ABCA1: variants seen among roughly 807,000 people sequenced by gnomAD.
ABCA1 encodes the protein phospholipid-transporting ATPase ABCA1.
ABCA1 carries 133 observed loss-of-function variants against 262.5 expected under a neutral mutation model. The ratio of observed to expected loss-of-function variants is 0.51; its 90% CI spans 0.44 to 0.59. The LOEUF (loss-of-function observed/expected upper bound fraction) is 0.59, where lower values mean the gene tolerates loss of function less well. Among genes scored for constraint, ABCA1 ranks in the 20% least tolerant of loss-of-function variants. The pLI, the probability that ABCA1 is intolerant of heterozygous loss-of-function variation, is 0.00. For missense variants in ABCA1, 2,452 were observed against 2,777.5 expected (o/e 0.88, Z 2.63); for synonymous variants, 1,022 against 1,043.5 (o/e 0.98, Z 0.40).
chr9:104,863,058 G>C (rs1036589944), intron 5 of ABCA1, among the ~76,000 whole-genome samples: 1 of 151,968 alleles, frequency 6.6e-6, no homozygotes. Flanking sequence ...TAGGCCCTCT[G>C]AGTACAGTTA....
chr9:104,793,430 C>A (rs4149327), intron 40 of ABCA1, 130 bp from the exon 41 acceptor site: 217 of 1,307,602 alleles, frequency 1.7e-4, no homozygotes, highest in Non-Finnish European at 2.1e-4. Context: ...TCACCCATGA[C>A]AAGGAAAAAA....
chr9:104,808,538 T>G (rs369376278), intron 30 of ABCA1, among the ~76,000 whole-genome samples: 1 of 152,246 alleles, frequency 6.6e-6, no homozygotes, highest in Non-Finnish European at 1.5e-5. Flanking sequence ...CCACCCATTA[T>G]GTACTAAGTA....
intron 17 of ABCA1, among the ~76,000 whole-genome samples, chr9:104,824,936 A>G (rs370743403): frequency 6.6e-6 from 1 of 152,246 alleles, no homozygotes; most frequent in East Asian, 1.9e-4. Context: ...TTCAGGCAGG[A>G]GTAATAAATA....
chr9:104,822,741 G>T, intron 18 of ABCA1, 74 bp from the exon 19 acceptor site: 1 of 1,561,516 alleles, frequency 6.4e-7, no homozygotes, highest in Non-Finnish European at 8.8e-7. Flanking sequence ...ACAGGGCACT[G>T]CGCTTGAACT....
Position 104,788,320 on chromosome 9 carries a change from A to G in ABCA1, c.6069+106T>C. 3.3e-6 allele frequency: 5 copies of G among 1,509,754 alleles called. No individual in the cohort carries two copies. In the South Asian group the frequency reaches 4.5e-5, roughly 14 times the overall value. The allele number at this position is 1,509,754 out of a possible 1,614,324, so 93.5% of individuals were successfully genotyped here. On this transcript the variant is annotated intron_variant, in intron 45 of 49. Coordinates refer to ENST00000374736, the MANE Select transcript of ABCA1 (RefSeq NM_005502.4). ...AAGAACCAGCATTTTGTGCTGCTGC[A>G]TTCATGAGGAAAAACAGCCTGAAGT... is the stretch of plus-strand genomic sequence containing the variant.
At chr9:104,836,714 C>T (rs1833846413) in intron 11 of ABCA1, among the ~76,000 whole-genome samples, 1 of 152,244 alleles carries the variant, frequency 6.6e-6, no homozygotes, top group Non-Finnish European at 1.5e-5. Context: ...CTCAACTCCA[C>T]TTCCAAACAC....
chr9:104,906,101 T>G (rs1841115561), intron 1 of ABCA1, among the ~76,000 whole-genome samples: 1 of 152,256 alleles, frequency 6.6e-6, no homozygotes. Flanking sequence ...TCTCCCCATT[T>G]ATCTTTCTTC....
chr9:104,875,660 T>TA (rs35543524), intron 5 of ABCA1, among the ~76,000 whole-genome samples: 22,507 of 148,356 alleles, frequency 0.15, 1,830 homozygotes, highest in Middle Eastern at 0.25. Flanking sequence ...TCCACAACCT[T>TA]AAAAAAAAAA....
At position 104,827,153 on chromosome 9, in the gene ABCA1, G is replaced by T; in HGVS notation, c.2132C>A (p.Pro711His). The T allele has an allele frequency of 1.2e-6, 2 of 1,614,148 alleles. No homozygotes were observed. Among genetic ancestry groups the T allele is most frequent in the Non-Finnish European group, 1.7e-6 (2 of 1,180,002 alleles). Residue 711 changes from proline (P) to histidine (H), a missense_variant, in exon 16 of 50, where the codon CCC (proline) becomes CAC (histidine). This residue lies in a region of ABCA1 where 1,032 missense variants were observed against 1,089.7 expected (regional missense o/e 0.95). Transcript: ENST00000374736. ...VVILKLGNLL[P>H]YSDPSVVFVF... ...AAACACCACGCTGGGATCACTGTAG[G>T]GCAGCAGGTTTCCTAACTGGGAAGG...
intron 7 of ABCA1, chr9:104,855,424 C>G: frequency 3.7e-6 from 1 of 268,446 alleles, no homozygotes; most frequent in East Asian, 9.2e-5. Context: ...TGGTCTTGAA[C>G]TCCTGGCCTC....
chr9:104,787,141 T>C (rs774595927), intron 46 of ABCA1, among the ~76,000 whole-genome samples, 165 bp from the exon 47 acceptor site: 19 of 152,230 alleles, frequency 1.2e-4, no homozygotes, highest in Non-Finnish European at 2.5e-4. Context: ...AATTCATTTG[T>C]AAACAAGGTC....
At chr9:104,916,671 G>A (rs1216854885) in intron 1 of ABCA1, among the ~76,000 whole-genome samples, 1 of 152,150 alleles carries the variant, frequency 6.6e-6, no homozygotes, top group Non-Finnish European at 1.5e-5. Flanking sequence ...TAATGGAACA[G>A]AAAACAAGTC....
intron 5 of ABCA1, among the ~76,000 whole-genome samples, chr9:104,866,479 T>C (rs1325555110): frequency 8.6e-5 from 13 of 151,712 alleles, no homozygotes; most frequent in Admixed American, 8.5e-4. Context: ...CAGCCCTTTT[T>C]TGTGACTTTT....
At chr9:104,916,169 T>C (rs1841826705) in intron 1 of ABCA1, among the ~76,000 whole-genome samples, 1 of 152,206 alleles carries the variant, frequency 6.6e-6, no homozygotes, top group South Asian at 2.1e-4. Flanking sequence ...ACTCAAGGTT[T>C]TCACTATAAT....
chr9:104,900,557 C>T (rs993819685), intron 2 of ABCA1, among the ~76,000 whole-genome samples: 5 of 152,230 alleles, frequency 3.3e-5, no homozygotes, highest in Non-Finnish European at 7.3e-5. Flanking sequence ...ACAATATAAT[C>T]TAGAAATCTA....
At chr9:104,839,169 A>T (rs1834130925) in intron 9 of ABCA1, among the ~76,000 whole-genome samples, 1 of 152,248 alleles carries the variant, frequency 6.6e-6, no homozygotes, top group Non-Finnish European at 1.5e-5. Context: ...CATACGGCAC[A>T]CGGGCCCACA....
chr9:104,831,961 G>A (rs1833376635), intron 12 of ABCA1, 134 bp from the exon 13 acceptor site: 1 of 885,630 alleles, frequency 1.1e-6, no homozygotes, highest in Non-Finnish European at 1.9e-6. Context: ...CTCTAACGTA[G>A]TTTTCCAACC....
intron 7 of ABCA1, among the ~76,000 whole-genome samples, chr9:104,849,292 C>CA (rs1302853827): frequency 1.3e-5 from 2 of 152,122 alleles, no homozygotes; most frequent in Middle Eastern, 3.2e-3. Flanking sequence ...CTGTGGGCAT[C>CA]AGATTTTTAC....
chr9:104,831,150 A>AAG, intron 13 of ABCA1, 49 bp from the exon 14 acceptor site: 3 of 157,868 alleles, frequency 1.9e-5, no homozygotes, highest in Non-Finnish European at 2.2e-5. Flanking sequence ...ACCATACAAT[A>AAG]AAAAAAAAAA....
Sources: gnomAD v4.1 joint callset for allele counts (sites outside exome capture counted in the v4.1 genomes callset) on GRCh38, gnomAD v4.1.1 for gene constraint, gnomAD v4.1.1 regional missense constraint, MANE v1.5 for transcripts, NCBI Gene and HGNC (gene_info 2026-07-23, HGNC 2026-07-21) for gene names.